EXOC3L2: variants seen among roughly 807,000 people sequenced by gnomAD.
EXOC3L2 encodes the protein exocyst complex component 3 like 2, also known as exocyst complex component 3-like protein 2.
A neutral mutation model predicts 44.4 loss-of-function variants in EXOC3L2; 17 were observed. The observed-to-expected ratio is 0.38, with a 90% CI of 0.26 to 0.57. The LOEUF is 0.57. EXOC3L2 is among the 20% of genes least tolerant of loss of function. The pLI is 0.65. For missense variants in EXOC3L2, 541 were observed against 588.4 expected (o/e 0.92, Z 0.83); for synonymous variants, 256 against 253.7 (o/e 1.01, Z -0.09).
rs373517053 is a variant in EXOC3L2, at chr19:45,228,214, C to G, written c.1322G>C (p.Trp441Ser). Reference sequence around the variant, plus strand: ...GCTGGGCTGGTCCTCCAGGCTCCCCCAGTGCTCTTCGTCCTCCTGCAGCAC... The same window carrying G: ...GCTGGGCTGGTCCTCCAGGCTCCCCGAGTGCTCTTCGTCCTCCTGCAGCAC... ...LRVLQEDEEH[W>S]GSLEDQPSSL... The change falls in exon 5 of 12, where the codon TGG becomes TCG. Residue 441 changes from tryptophan (W) to serine (S), a missense_variant. Coordinates refer to ENST00000413988, the MANE Select transcript of EXOC3L2 (RefSeq NM_001382422.1). 1 of 1,614,156 alleles carries G rather than the reference C, an allele frequency of 6.2e-7. No homozygotes were observed. Among genetic ancestry groups the G allele is most frequent in the Non-Finnish European group, 8.5e-7 (1 of 1,180,028 alleles).
intron 8 of EXOC3L2, among the ~76,000 whole-genome samples, chr19:45,222,173 C>A (rs2122964445): frequency 6.6e-6 from 1 of 151,468 alleles, no homozygotes; most frequent in Non-Finnish European, 1.5e-5. Context: ...CCTGTCTCTT[C>A]ATGTCTCTAG....
intron 9 of EXOC3L2, 144 bp from the exon 10 acceptor site, chr19:45,217,827 C>T (rs1969853452): frequency 9.9e-7 from 1 of 1,010,324 alleles, no homozygotes; most frequent in South Asian, 2.0e-5. Context: ...ACGCCCCAGT[C>T]CCCAGCCCCT....
intron 2 of EXOC3L2, among the ~76,000 whole-genome samples, chr19:45,236,736 C>T (rs1427011126): frequency 6.6e-6 from 1 of 152,066 alleles, no homozygotes; most frequent in African/African-American, 2.4e-5. Context: ...GTGACTCATG[C>T]TTGTAATCCC....
intron 2 of EXOC3L2, among the ~76,000 whole-genome samples, chr19:45,236,615 T>C (rs537212082): frequency 1.3e-5 from 2 of 150,900 alleles, no homozygotes; most frequent in East Asian, 2.0e-4. Flanking sequence ...GGGGTGAAGA[T>C]AGATTAGGGA....
chr19:45,244,946 C>G (rs1970157829), intron 1 of EXOC3L2, among the ~76,000 whole-genome samples: 1 of 151,864 alleles, frequency 6.6e-6, no homozygotes, highest in Non-Finnish European at 1.5e-5. Context: ...GTCCCTGTCT[C>G]CCATCTCCGA....
At chr19:45,221,913 G>A (rs1969902644) in intron 8 of EXOC3L2, among the ~76,000 whole-genome samples, 2 of 150,752 alleles carry the variant, frequency 1.3e-5, no homozygotes, top group African/African-American at 2.4e-5. Context: ...GCCTTCAAAA[G>A]TGCTGGGATT....
At position 45,213,039 on chromosome 19, in the gene EXOC3L2, G is replaced by A. The variant is rs540315519; in HGVS notation, c.*30C>T. The A allele has an allele frequency of 2.3e-5, 33 of 1,458,198 alleles. No homozygotes were observed. The highest frequency in any genetic ancestry group is 1.8e-4 in the African/African-American group (13 of 70,636). 90.3% of individuals were successfully genotyped at this position (1,458,198 alleles called of 1,614,324 possible). On this transcript the variant is annotated 3_prime_UTR_variant, in exon 12 of 12. Transcript: ENST00000413988. ...GGTTGGCTTGTCAGCAGCATAGATG[G>A]GGTCACTAAGGCCGGCGGTTGGGTG...
chr19:45,232,035 G>A (rs1970037469), intron 3 of EXOC3L2, among the ~76,000 whole-genome samples, 161 bp from the exon 4 acceptor site: 1 of 152,172 alleles, frequency 6.6e-6, no homozygotes, highest in East Asian at 1.9e-4. Context: ...CTTTGGAATT[G>A]TTGCTTCCCC....
chr19:45,232,942 A>G (rs2122983553), intron 3 of EXOC3L2, among the ~76,000 whole-genome samples: 1 of 152,286 alleles, frequency 6.6e-6, no homozygotes, highest in East Asian at 1.9e-4. Flanking sequence ...TAGGCCGGGC[A>G]CAGTGGCTCA....
At chr19:45,216,027 A>G in intron 11 of EXOC3L2, 46 bp downstream of exon 11, 1 of 1,605,758 alleles carries the variant, frequency 6.2e-7, no homozygotes, top group Non-Finnish European at 8.5e-7. Context: ...CCGCCAGGAG[A>G]CCTCGGCCAG....
chr19:45,213,495 G>A (rs1599758896), intron 11 of EXOC3L2, 138 bp from the exon 12 acceptor site: 4 of 972,612 alleles, frequency 4.1e-6, no homozygotes, highest in East Asian at 5.5e-5. Context: ...CCCCTCCAGA[G>A]CCTTCCCTCC....
rs1313319341 is a variant in EXOC3L2 at position 45,212,427 on chromosome 19, T to C, written c.*642A>G. On this transcript the variant is annotated 3_prime_UTR_variant, in exon 12 of 12. Coordinates refer to ENST00000413988, the MANE Select transcript of EXOC3L2 (RefSeq NM_001382422.1). ...ATCGAACGTTCCTTAATACATTGGA[T>C]TGGGGCCAGACCTTGAGGTGAGGGA... 1.3e-5 allele frequency among the ~76,000 whole-genome samples: 2 copies of C among 151,970 alleles called. No individual in the cohort carries two copies. Among genetic ancestry groups the C allele is most frequent in the East Asian group, 1.9e-4 (1 of 5,178 alleles).
chr19:45,240,052 A>G (rs1970118255), intron 1 of EXOC3L2, among the ~76,000 whole-genome samples: 1 of 149,984 alleles, frequency 6.7e-6, no homozygotes, highest in Non-Finnish European at 1.5e-5. Context: ...TCCCTCATTC[A>G]TCTCTTCAGC....
At chr19:45,241,471 C>G (rs945523949) in intron 1 of EXOC3L2, among the ~76,000 whole-genome samples, 1 of 138,482 alleles carries the variant, frequency 7.2e-6, no homozygotes, top group African/African-American at 2.7e-5. Context: ...GAGCAAGACT[C>G]CATCTCAAAA....
intron 2 of EXOC3L2, among the ~76,000 whole-genome samples, chr19:45,236,880 C>T (rs1286334311): frequency 6.6e-6 from 1 of 151,852 alleles, no homozygotes; most frequent in Non-Finnish European, 1.5e-5. Context: ...TGATGCATGC[C>T]TGTAATCCCA....
At chr19:45,219,536 C>T (rs1277577662) in intron 8 of EXOC3L2, among the ~76,000 whole-genome samples, 2 of 152,078 alleles carry the variant, frequency 1.3e-5, no homozygotes, top group Non-Finnish European at 2.9e-5. Flanking sequence ...AAAACATGTT[C>T]CCCATCTGGA....
chr19:45,236,316 A>G (rs979961724), intron 2 of EXOC3L2, among the ~76,000 whole-genome samples: 3 of 151,838 alleles, frequency 2.0e-5, no homozygotes, highest in African/African-American at 7.3e-5. Context: ...AAATACAAAA[A>G]TTAGCCAGGC....
chr19:45,231,812 G>T lies in EXOC3L2; in HGVS notation c.1220C>A (p.Ser407Tyr). 1.2e-6 allele frequency: 2 copies of T among 1,611,114 alleles called. No individual in the cohort carries two copies. Among genetic ancestry groups the T allele is most frequent in the East Asian group, 2.2e-5 (1 of 44,792 alleles). The change falls in exon 4 of 12, where the codon TCC becomes TAC. Residue 407 changes from serine to tyrosine, a missense_variant. Coordinates refer to ENST00000413988, the MANE Select transcript of EXOC3L2 (RefSeq NM_001382422.1). ...CTCCAAACCCCGCAGGGTGCCAGGG[G>T]AGAGAAGGGGCCCCAGCTCCCCATT... ...LENGELGPLL[S>Y]PGTLRGLEDE...
chr19:45,216,755 A>G (rs1229793055), intron 10 of EXOC3L2: 3 of 152,448 alleles, frequency 2.0e-5, no homozygotes, highest in Non-Finnish European at 4.4e-5. Flanking sequence ...GCGGGGATGG[A>G]GACTGGACAA....
Sources: allele counts gnomAD v4.1 joint callset (sites outside exome capture counted in the v4.1 genomes callset), GRCh38; gene constraint gnomAD v4.1.1; transcripts MANE v1.5; gene names NCBI Gene and HGNC (gene_info 2026-07-23, HGNC 2026-07-21).